The following NCKAP5 variants were observed in gnomAD, a reference collection of about 807,000 sequenced individuals.
NCKAP5 encodes the protein nck-associated protein 5.
Under a neutral mutation model 167.0 loss-of-function variants are expected in NCKAP5, and 92 were observed. That is an observed-to-expected ratio of 0.55 (90% CI 0.47 to 0.66). NCKAP5 has a LOEUF of 0.66. NCKAP5 is among the 30% of genes least tolerant of loss of function. The pLI is 0.00. For synonymous variants in NCKAP5, 891 were observed against 877.4 expected (o/e 1.02, Z -0.27); for missense variants, 2,378 against 2,315.0 (o/e 1.03, Z -0.56).
intron 4 of NCKAP5, among the ~76,000 whole-genome samples, chr2:133,270,378 C>G (rs937154769): frequency 4.6e-5 from 7 of 152,186 alleles, no homozygotes; most frequent in African/African-American, 1.7e-4. Context: ...ACTTTCCCAT[C>G]TGAGAAGAAG....
intron 16 of NCKAP5, among the ~76,000 whole-genome samples, chr2:132,758,245 G>A (rs1327894638): frequency 6.6e-6 from 1 of 152,216 alleles, no homozygotes; most frequent in Non-Finnish European, 1.5e-5. Context: ...CTGGTGGAAT[G>A]AGTGTGTGGA....
At chr2:133,114,248 T>C (rs1288257950) in intron 6 of NCKAP5, among the ~76,000 whole-genome samples, 1 of 152,228 alleles carries the variant, frequency 6.6e-6, no homozygotes, top group East Asian at 1.9e-4. Flanking sequence ...AAGCAGCATG[T>C]CTTGGAGGTA....
chr2:133,447,423 TTTC>T (rs1183543588), intron 3 of NCKAP5, among the ~76,000 whole-genome samples: 1 of 151,884 alleles, frequency 6.6e-6, no homozygotes, highest in African/African-American at 2.4e-5. Flanking sequence ...CTTCCTTCCC[TTTC>T]TTTTTATTTC....
At position 133,165,492 on chromosome 2, in the gene NCKAP5, C is replaced by A. The variant is rs148797053; in HGVS notation, c.208-35381G>T. ...TGTGGTACATCCATGCAATGTGAAA[C>A]CATCTAGTAGTGAAAATGAATGAGC... On this transcript the variant is annotated intron_variant, in intron 5 of 19. Coordinates refer to ENST00000409261, the MANE Select transcript of NCKAP5 (RefSeq NM_207363.3). 8.6e-3 allele frequency among the ~76,000 whole-genome samples: 1,305 copies of A among 152,190 alleles called. 8 individuals carry two copies. The highest frequency in any genetic ancestry group is 0.015 in the Non-Finnish European group (995 of 68,018).
chr2:133,136,964 T>C (rs186340533), intron 5 of NCKAP5, among the ~76,000 whole-genome samples: 3 of 152,330 alleles, frequency 2.0e-5, no homozygotes, highest in East Asian at 3.9e-4. Context: ...CCTGTGTTTT[T>C]TCTTCAGAAG....
chr2:132,791,879 A>T (rs1299051712), intron 12 of NCKAP5, among the ~76,000 whole-genome samples: 2 of 152,158 alleles, frequency 1.3e-5, no homozygotes, highest in Non-Finnish European at 2.9e-5. Context: ...CTCAATTCCC[A>T]GTTCTCTTTT....
chr2:133,667,133 AC>A, the NCKAP5 span, among the ~76,000 whole-genome samples: 4 of 152,050 alleles, frequency 2.6e-5, no homozygotes, highest in African/African-American at 9.7e-5. Context: ...TATTCTACCA[AC>A]TTAGCCCAAT....
At chr2:133,236,184 C>T (rs2087412093) in intron 4 of NCKAP5, among the ~76,000 whole-genome samples, 1 of 148,826 alleles carries the variant, frequency 6.7e-6, no homozygotes, top group African/African-American at 2.5e-5. Flanking sequence ...GAGTTCGATG[C>T]TGATGAATCA....
At chr2:132,694,093 G>C (rs1229251287) in intron 19 of NCKAP5, among the ~76,000 whole-genome samples, 1 of 133,790 alleles carries the variant, frequency 7.5e-6, no homozygotes, top group Non-Finnish European at 1.6e-5. Flanking sequence ...AGGAAGACAA[G>C]TTTTAAGTGT....
rs538786375 is a variant in NCKAP5, at chr2:132,770,155, T to G, written c.5128+3661A>C. Among the ~76,000 whole-genome samples, 15 of 152,226 alleles carry G rather than the reference T, an allele frequency of 9.9e-5. No homozygotes were observed. In the South Asian group the frequency reaches 2.9e-3, roughly 29 times the overall value. On this transcript the variant is annotated intron_variant, in intron 16 of 19. Coordinates refer to ENST00000409261, the MANE Select transcript of NCKAP5 (RefSeq NM_207363.3). ...ACCAGTATTGAGTGCCCCAAACTTA[T>G]AGATCCCAAGAGTTCTTCTTAACTA...
chr2:133,541,458 G>A (rs2104887939), intron 2 of NCKAP5, among the ~76,000 whole-genome samples: 1 of 152,164 alleles, frequency 6.6e-6, no homozygotes, highest in South Asian at 2.1e-4. Context: ...TACATTTTAT[G>A]CAATATATGG....
chr2:133,121,959 A>T (rs1268539583), intron 6 of NCKAP5: 1 of 152,234 alleles, frequency 6.6e-6, no homozygotes, highest in Non-Finnish European at 1.5e-5. Flanking sequence ...AATCACACAA[A>T]GTCAAAGAAG....
intron 4 of NCKAP5, among the ~76,000 whole-genome samples, chr2:133,288,424 A>G (rs1337710664): frequency 6.6e-6 from 1 of 152,202 alleles, no homozygotes; most frequent in Non-Finnish European, 1.5e-5. Flanking sequence ...GAATAAATCC[A>G]GGTAAATACA....
chr2:133,132,928 A>G (rs1246188610), intron 5 of NCKAP5, among the ~76,000 whole-genome samples: 3 of 152,118 alleles, frequency 2.0e-5, no homozygotes, highest in East Asian at 1.9e-4. Context: ...TGCCCGCCTC[A>G]GCCTCCCAAA....
At chr2:133,302,672 C>T (rs1185437667) in intron 4 of NCKAP5, among the ~76,000 whole-genome samples, 21 of 140,258 alleles carry the variant, frequency 1.5e-4, no homozygotes, top group South Asian at 2.3e-4. Flanking sequence ...GGGAGATATA[C>T]CTAATGCTAG....
intron 6 of NCKAP5, among the ~76,000 whole-genome samples, chr2:133,073,519 A>G (rs2080492852): frequency 6.6e-6 from 1 of 152,198 alleles, no homozygotes; most frequent in Admixed American, 6.5e-5. Flanking sequence ...CAGGACCACA[A>G]AAGTTCTAAG....
At position 133,260,868 on chromosome 2, in the gene NCKAP5, T is replaced by C. The variant is rs1260628334; in HGVS notation, c.143+42169A>G. On this transcript the variant is annotated intron_variant, in intron 4 of 19. Coordinates refer to ENST00000409261, the MANE Select transcript of NCKAP5 (RefSeq NM_207363.3). ...GCCAGTAGGTTGAATTAATTCATCT[T>C]ATCTTACTTACAATGCCATGCTTAA... is the stretch of plus-strand genomic sequence containing the variant. Among the ~76,000 whole-genome samples, 3 of 152,336 alleles carry C rather than the reference T, an allele frequency of 2.0e-5. No individual in the cohort carries two copies. In the East Asian group the frequency reaches 5.8e-4, roughly 29 times the overall value.
At chr2:133,169,943 T>C (rs1480756245) in intron 5 of NCKAP5, among the ~76,000 whole-genome samples, 2 of 151,976 alleles carry the variant, frequency 1.3e-5, no homozygotes, top group African/African-American at 2.4e-5. Context: ...AACAGACCAA[T>C]AGACACAGAA....
chr2:133,647,418 A>AGGAG, the NCKAP5 span, among the ~76,000 whole-genome samples: 1 of 121,996 alleles, frequency 8.2e-6, no homozygotes, highest in Non-Finnish European at 1.6e-5. Context: ...GAAGGAAGGA[A>AGGAG]GAGAAAGAAA....
Sources: allele counts gnomAD v4.1 joint callset (sites outside exome capture counted in the v4.1 genomes callset), GRCh38; gene constraint gnomAD v4.1.1; transcripts MANE v1.5; gene names NCBI Gene and HGNC (gene_info 2026-07-23, HGNC 2026-07-21).